Variants in CPS1 observed in about 807,000 individuals in gnomAD.
CPS1 encodes carbamoyl-phosphate synthase 1.
In CPS1, 109 loss-of-function variants were observed where a neutral mutation model predicts 174.6. The observed-to-expected ratio is 0.62, with a 90% CI of 0.53 to 0.73. The LOEUF (loss-of-function observed/expected upper bound fraction) is 0.73. CPS1 is among the 30% of genes least tolerant of loss of function. CPS1 has a pLI of 0.00. For missense variants in CPS1, 1,689 were observed against 1,821.9 expected (o/e 0.93, Z 1.33); for synonymous variants, 637 against 632.0 (o/e 1.01, Z -0.12).
chr2:210,608,332 A>C, intron 18 of CPS1, 29 bp from the exon 19 acceptor site: 1 of 1,607,818 alleles, frequency 6.2e-7, no homozygotes, highest in Non-Finnish European at 8.5e-7. Context: ...GCTCGAAGAA[A>C]AAAAAATAAA....
At chr2:210,478,499 C>T (rs1694467952) in intron 1 of CPS1, among the ~76,000 whole-genome samples, 2 of 151,808 alleles carry the variant, frequency 1.3e-5, no homozygotes, top group African/African-American at 4.8e-5. Context: ...CTTTTTTTCC[C>T]GTGTTTGTGG....
chr2:210,546,296 CAG>C (rs1696563821), intron 1 of CPS1, among the ~76,000 whole-genome samples: 1 of 151,984 alleles, frequency 6.6e-6, no homozygotes, highest in Non-Finnish European at 1.5e-5. Flanking sequence ...CGATATTAAA[CAG>C]AGACAGTGAA....
chr2:210,668,094 G>GTGTA, intron 33 of CPS1, 92 bp from the exon 34 acceptor site: 1 of 758,092 alleles, frequency 1.3e-6, no homozygotes, highest in Non-Finnish European at 2.3e-6. Flanking sequence ...GTGTGTGTGT[G>GTGTA]TGTGTGTGTG....
chr2:210,647,876 GCAT>G lies in CPS1; in HGVS notation c.3159_3161del (p.Ile1054del). The stretch of plus-strand genomic sequence containing the variant: ...TGTATTTTCCAGGCATGTGGTGGCT[GCAT>G]CATATCAGTTGGAGGCCAGATTCCA... On this transcript the variant is annotated inframe_deletion, in exon 26 of 38. Transcript: ENST00000233072. 3.7e-6 allele frequency: 6 copies of G among 1,613,984 alleles called. No individual in the cohort carries two copies. The highest frequency in any genetic ancestry group is 5.1e-6 in the Non-Finnish European group (6 of 1,179,908).
chr2:210,552,405 A>G (rs1388106952), upstream of CPS1, among the ~76,000 whole-genome samples: 1 of 151,982 alleles, frequency 6.6e-6, no homozygotes. Flanking sequence ...GCACACAGCA[A>G]TCCATTCATT....
chr2:210,509,168 A>G (rs1574478328), intron 1 of CPS1, among the ~76,000 whole-genome samples: 1 of 152,218 alleles, frequency 6.6e-6, no homozygotes, highest in African/African-American at 2.4e-5. Flanking sequence ...AGCACATCAA[A>G]AAGCTTATCC....
chr2:210,643,680 TACAA>T (rs1402080097), intron 25 of CPS1, among the ~76,000 whole-genome samples: 4 of 152,252 alleles, frequency 2.6e-5, no homozygotes, highest in South Asian at 2.1e-4. Context: ...ATTTTACTAT[TACAA>T]AAGAAAGTAG....
At chr2:210,582,049 T>C (rs1176491745) in intron 5 of CPS1, among the ~76,000 whole-genome samples, 2 of 152,140 alleles carry the variant, frequency 1.3e-5, no homozygotes, top group African/African-American at 2.4e-5. Flanking sequence ...TTACAGAGGG[T>C]TGAACATTCT....
At chr2:210,640,163 T>A in intron 24 of CPS1, 104 bp downstream of exon 24, 1 of 815,208 alleles carries the variant, frequency 1.2e-6, no homozygotes, top group Non-Finnish European at 2.0e-6. Flanking sequence ...ATAAATGCTG[T>A]AATATATGTT....
chr2:210,628,757 G>A (rs1049024234), intron 21 of CPS1, among the ~76,000 whole-genome samples: 5 of 151,512 alleles, frequency 3.3e-5, no homozygotes, highest in Non-Finnish European at 7.4e-5. Context: ...CCAAGATCAC[G>A]CCACTGCACT....
chr2:210,630,276 C>G (rs1180167325), intron 21 of CPS1, among the ~76,000 whole-genome samples: 1 of 151,872 alleles, frequency 6.6e-6, no homozygotes, highest in Non-Finnish European at 1.5e-5. Context: ...CATGATATTT[C>G]TGGATTATTA....
chr2:210,608,317 T>G, intron 18 of CPS1, 44 bp from the exon 19 acceptor site: 2 of 1,587,204 alleles, frequency 1.3e-6, no homozygotes, highest in South Asian at 2.2e-5. Flanking sequence ...CTGTTTTCAA[T>G]AATTGCTCGA....
chr2:210,592,836 C>A (rs144478691), intron 10 of CPS1, 43 bp from the exon 11 acceptor site: 3 of 1,538,624 alleles, frequency 1.9e-6, no homozygotes, highest in Non-Finnish European at 2.7e-6. Context: ...ACTTGACATT[C>A]ATTGTTACAG....
chr2:210,579,633 A>G, intron 4 of CPS1, 81 bp from the exon 5 acceptor site: 1 of 1,089,948 alleles, frequency 9.2e-7, no homozygotes, highest in Non-Finnish European at 1.4e-6. Flanking sequence ...AAGATAGATG[A>G]GGCCAAGTTT....
intron 1 of CPS1, among the ~76,000 whole-genome samples, chr2:210,529,131 G>T (rs1009958717): frequency 6.6e-6 from 1 of 151,830 alleles, no homozygotes; most frequent in African/African-American, 2.4e-5. Flanking sequence ...TCATGAGAAA[G>T]AAATAACTCT....
chr2:210,622,188 T>C (rs1699551145), intron 21 of CPS1, among the ~76,000 whole-genome samples: 1 of 151,560 alleles, frequency 6.6e-6, no homozygotes, highest in Admixed American at 6.6e-5. Flanking sequence ...ATATTGTGGA[T>C]GAAGCTTAGA....
At position 210,591,959 on chromosome 2, in the gene CPS1, A is replaced by T. The variant is rs1698318418; in HGVS notation, c.1076A>T (p.Gln359Leu). 1 of 1,611,410 alleles carries T rather than the reference A, an allele frequency of 6.2e-7. No homozygotes were observed. Among genetic ancestry groups the T allele is most frequent in the Non-Finnish European group, 8.5e-7 (1 of 1,178,746 alleles). ...CCACTTTTTGTGAATGTCAACGATC[A>T]AACAAATGAGGTAAATGATGTCAAT... ...WKPLFVNVND[Q>L]TNEGIMHESK... Residue 359 changes from glutamine (Q) to leucine (L), a missense_variant, in exon 10 of 38, where the codon CAA (glutamine) becomes CTA (leucine). Gln to Leu is a moderately radical substitution (Grantham distance 113). Coordinates refer to ENST00000233072, the MANE Select transcript of CPS1 (RefSeq NM_001875.5).
chr2:210,608,153 TCTC>T (rs1698985793), intron 18 of CPS1, among the ~76,000 whole-genome samples: 1 of 151,856 alleles, frequency 6.6e-6, no homozygotes, highest in South Asian at 2.1e-4. Context: ...GAGAGTAAAT[TCTC>T]CTGTGACCTG....
At chr2:210,640,353 A>C (rs537545771) in intron 24 of CPS1, among the ~76,000 whole-genome samples, 2 of 152,284 alleles carry the variant, frequency 1.3e-5, no homozygotes, top group Admixed American at 1.3e-4. Flanking sequence ...TTGGGAATGG[A>C]TTAGATTTTG....
Sources: allele counts gnomAD v4.1 joint callset (sites outside exome capture counted in the v4.1 genomes callset), GRCh38; gene constraint gnomAD v4.1.1; transcripts MANE v1.5; gene names NCBI Gene and HGNC (gene_info 2026-07-23, HGNC 2026-07-21).